The following TSPAN10 variants were observed in gnomAD, a reference collection of about 807,000 sequenced individuals.
TSPAN10 encodes tetraspanin-10.
A neutral mutation model predicts 15.0 loss-of-function variants in TSPAN10; 11 were observed. The ratio of observed to expected loss-of-function variants is 0.73; its 90% CI spans 0.46 to 1.21. TSPAN10 has a LOEUF of 1.21. Ranked by LOEUF, TSPAN10 falls within the 50% of genes most tolerant of loss-of-function variation. The pLI, the probability that TSPAN10 is intolerant of heterozygous loss-of-function variation, is 0.00. For synonymous variants in TSPAN10, 241 were observed against 226.2 expected, an observed-to-expected ratio of 1.07 and a Z score of -0.59; for missense variants, 486 against 470.6, an observed-to-expected ratio of 1.03 and a Z score of -0.30.
chr17:81,648,226 G>A (rs1328373136), exon 3 of TSPAN10: 2 of 1,285,918 alleles, frequency 1.6e-6, no homozygotes, highest in South Asian at 2.7e-5. Flanking sequence ...AGCGCGCGGG[G>A]AGGACCGCGC....
chr17:81,647,128 A>G (rs9905639), intron 2 of TSPAN10, among the ~76,000 whole-genome samples: 69,317 of 152,060 alleles, frequency 0.46, 17,220 homozygotes, highest in East Asian at 0.78. Flanking sequence ...GCAGTGGCTA[A>G]CAGGCGGGTC....
At chr17:81,645,361 C>G in exon 2 of TSPAN10, 1 of 1,592,940 alleles carries the variant, frequency 6.3e-7, no homozygotes. Context: ...CGCAGTGAGC[C>G]TGGCTGGCTA....
intron 1 of TSPAN10, among the ~76,000 whole-genome samples, chr17:81,643,610 CAAAAAAA>C (rs777668849): frequency 1.3e-4 from 2 of 15,134 alleles, no homozygotes; most frequent in South Asian, 6.8e-3. Context: ...GACTCCGTCT[CAAAAAAA>C]AAAAAAAAAA....
At chr17:81,645,471 G>A (rs745902909) in exon 2 of TSPAN10, 6 of 1,580,154 alleles carry the variant, frequency 3.8e-6, no homozygotes, top group Admixed American at 3.7e-5. Context: ...CCCTGGTGGT[G>A]GCCCTCTGGG....
At chr17:81,638,668 G>A (rs183314245), upstream of TSPAN10, 1 of 152,310 alleles carries the variant, frequency 6.6e-6, no homozygotes, top group Non-Finnish European at 1.5e-5. Context: ...GATTGGTTGG[G>A]TCAGAGGTGA....
upstream of TSPAN10, among the ~76,000 whole-genome samples, chr17:81,639,387 T>C (rs1215489488): frequency 6.6e-6 from 1 of 151,672 alleles, no homozygotes; most frequent in Non-Finnish European, 1.5e-5. Flanking sequence ...TTTATATCTT[T>C]AGTAGAGACA....
At chr17:81,640,607 C>T (rs147836950), upstream of TSPAN10, among the ~76,000 whole-genome samples, 40 of 152,156 alleles carry the variant, frequency 2.6e-4, no homozygotes, top group African/African-American at 9.4e-4. Context: ...CGCCACGATG[C>T]CCAGCTAATT....
At chr17:81,648,314 A>T, downstream of TSPAN10, 1 of 1,204,048 alleles carries the variant, frequency 8.3e-7, no homozygotes, top group Non-Finnish European at 1.0e-6. Context: ...CCGAGGTCCG[A>T]GACCGCCACG....
chr17:81,639,761 G>A (rs1448192875), upstream of TSPAN10, among the ~76,000 whole-genome samples: 1 of 151,170 alleles, frequency 6.6e-6, no homozygotes, highest in East Asian at 2.0e-4. Flanking sequence ...GGTGGATCAC[G>A]AAGTCAGGAG....
upstream of TSPAN10, among the ~76,000 whole-genome samples, chr17:81,639,861 T>C (rs1481387269): frequency 2.6e-5 from 4 of 151,614 alleles, no homozygotes; most frequent in Non-Finnish European, 5.9e-5. Context: ...GTGCCTGTAG[T>C]CCCAGCTACT....
intron 2 of TSPAN10, 83 bp from the exon 4 acceptor site, chr17:81,647,817 TG>T: frequency 6.9e-7 from 1 of 1,453,548 alleles, no homozygotes; most frequent in Non-Finnish European, 9.3e-7. Flanking sequence ...AGGGTGAAGG[TG>T]GGTAGGCGAC....
intron 1 of TSPAN10, among the ~76,000 whole-genome samples, chr17:81,643,997 G>A (rs1324023676): frequency 6.7e-6 from 1 of 148,326 alleles, no homozygotes; most frequent in East Asian, 2.0e-4. Flanking sequence ...GTGCCACCAC[G>A]CCCGGCTAAT....
Position 81,648,149 on chromosome 17 carries a change from AG to A in TSPAN10, c.924del (p.Glu308AspfsTer?). ...GCGGTGGTGCTGCTGCAGGGCGCGG[AG>A]CTCCTGCTGGCCGCCCGGCTACTCG... On this transcript the variant is annotated frameshift_variant, in exon 3 of 3. Transcript: ENST00000611590. LOFTEE classifies it low-confidence loss of function (END_TRUNC). 6.7e-7 allele frequency: 1 copy of A among 1,494,424 alleles called. No homozygotes were observed. Among genetic ancestry groups the A allele is most frequent in the Non-Finnish European group, 8.8e-7 (1 of 1,132,462 alleles). The allele number at this position is 1,494,424 out of a possible 1,614,324, so 92.6% of individuals were successfully genotyped here.
At chr17:81,647,919 C>A (rs1156486272) in exon 3 of TSPAN10, 68 of 1,603,104 alleles carry the variant, frequency 4.2e-5, no homozygotes, top group Non-Finnish European at 5.5e-5. Context: ...ACTGCAGCTC[C>A]CCCGGGGTGC....
exon 2 of TSPAN10, chr17:81,645,000 A>C (rs765233442): frequency 1.9e-6 from 3 of 1,610,738 alleles, no homozygotes; most frequent in Non-Finnish European, 2.5e-6. Context: ...AGGAAACTGC[A>C]GGCCAGAAGC....
intron 2 of TSPAN10, chr17:81,646,693 A>AAG (rs2036258993): frequency 4.6e-5 from 7 of 150,746 alleles, no homozygotes; most frequent in South Asian, 2.1e-4. Context: ...AAAAAAAAAG[A>AAG]AAAGAAAATG....
intron 2 of TSPAN10, chr17:81,645,913 CAT>C (rs1197219609): frequency 1.0e-5 from 6 of 574,864 alleles, no homozygotes; most frequent in African/African-American, 5.6e-5. Context: ...CACACTCAAA[CAT>C]GTTCATACAC....
downstream of TSPAN10, chr17:81,648,306 G>T: frequency 5.0e-6 from 6 of 1,205,250 alleles, no homozygotes; most frequent in Non-Finnish European, 6.2e-6. Context: ...CGCACGCCCC[G>T]AGGTCCGAGA....
At chr17:81,647,948 C>T (rs770704230) in exon 3 of TSPAN10, 4 of 1,609,808 alleles carry the variant, frequency 2.5e-6, no homozygotes, top group Non-Finnish European at 2.5e-6. Context: ...AGCCTTCCCG[C>T]CTCCTGCTGC....
Sources: gnomAD v4.1 joint callset for allele counts (sites outside exome capture counted in the v4.1 genomes callset) on GRCh38, gnomAD v4.1.1 for gene constraint, MANE v1.5 for transcripts, NCBI Gene and HGNC (gene_info 2026-07-23, HGNC 2026-07-21) for gene names.